The following PPP2R5E variants were observed in gnomAD, a reference collection of about 807,000 sequenced individuals.
PPP2R5E encodes the protein protein phosphatase 2 regulatory subunit B'epsilon.
PPP2R5E carries 4 observed loss-of-function variants against 65.3 expected under a neutral mutation model. That is an observed-to-expected ratio of 0.06 (90% CI 0.03 to 0.14). The LOEUF (loss-of-function observed/expected upper bound fraction) is 0.14, where lower values mean the gene tolerates loss of function less well. PPP2R5E is among the 10% of genes least tolerant of loss of function. The probability of loss-of-function intolerance (pLI) is 1.00; values close to 1 mark genes in which losing one functional copy is unlikely to be tolerated. For missense variants in PPP2R5E, 274 were observed against 556.1 expected (o/e 0.49, Z 5.10); for synonymous variants, 183 against 187.4 (o/e 0.98, Z 0.19).
At chr14:63,461,436 G>T (rs1008945624) in intron 2 of PPP2R5E, among the ~76,000 whole-genome samples, 4 of 151,678 alleles carry the variant, frequency 2.6e-5, no homozygotes, top group Non-Finnish European at 4.4e-5. Context: ...TAAAAATAAA[G>T]CACCTTTATA....
chr14:63,453,501 G>T, intron 3 of PPP2R5E, 188 bp downstream of exon 3: 1 of 461,236 alleles, frequency 2.2e-6, no homozygotes. Flanking sequence ...TTAAAGTTCT[G>T]GATTTCGTTC....
chr14:63,525,617 C>A (rs1218290832), intron 2 of PPP2R5E, among the ~76,000 whole-genome samples: 2 of 152,100 alleles, frequency 1.3e-5, no homozygotes, highest in African/African-American at 4.8e-5. Context: ...TACCTTTGTC[C>A]GGAAAAGTGT....
chr14:63,379,283 C>A (rs1282701598), intron 13 of PPP2R5E, among the ~76,000 whole-genome samples: 1 of 152,030 alleles, frequency 6.6e-6, no homozygotes, highest in Non-Finnish European at 1.5e-5. Context: ...CCGCCTCGGC[C>A]TCCCAAAGAG....
At chr14:63,519,965 G>T (rs1171677233) in intron 2 of PPP2R5E, among the ~76,000 whole-genome samples, 1 of 150,808 alleles carries the variant, frequency 6.6e-6, no homozygotes, top group African/African-American at 2.4e-5. Context: ...TAGCTCCTAC[G>T]GACAAACTCT....
rs751921019 is a variant in PPP2R5E at position 63,378,185 on chromosome 14, C to T, written c.1305-2077G>A. On this transcript the variant is annotated intron_variant, in intron 13 of 13. Transcript: ENST00000337537. The stretch of plus-strand genomic sequence containing the variant: ...CAATTGTATAGATCCTGCTGACTTT[C>T]GATGAATATGACCTTTTTATTTGGA... Among the ~76,000 whole-genome samples, 9 of 152,178 alleles carry T rather than the reference C, an allele frequency of 5.9e-5. No homozygotes were observed. In the South Asian group the frequency reaches 1.2e-3, roughly 21 times the overall value.
At chr14:63,513,857 G>A (rs189382459) in intron 2 of PPP2R5E, among the ~76,000 whole-genome samples, 10 of 152,204 alleles carry the variant, frequency 6.6e-5, no homozygotes, top group African/African-American at 2.4e-4. Flanking sequence ...AAGGCAAGAG[G>A]GGCCAGGGTA....
chr14:63,417,171 C>T (rs889178544), intron 4 of PPP2R5E, among the ~76,000 whole-genome samples: 12 of 152,118 alleles, frequency 7.9e-5, no homozygotes, highest in African/African-American at 2.9e-4. Context: ...CATTGAGTTA[C>T]GCAGCTCTTT....
rs564709613 is a variant in PPP2R5E, at chr14:63,410,373, T to C, written c.549+4767A>G. 5.9e-5 allele frequency among the ~76,000 whole-genome samples: 9 copies of C among 151,786 alleles called. No individual in the cohort carries two copies. The East Asian group carries it at 1.4e-3, about 23-fold the overall frequency. ...TGGGAGACGATGGAGTTCAGAAAAA[T>C]GCAAGGACAAGCGGGGGTGTGAAAA... On this transcript the variant is annotated intron_variant, in intron 5 of 13. Transcript: ENST00000337537.
At position 63,384,435 on chromosome 14, in the gene PPP2R5E, A is replaced by T. The variant is rs544962324; in HGVS notation, c.1202+9T>A. On this transcript the variant is annotated intron_variant, in intron 12 of 13. Transcript: ENST00000337537. ...GGAAGAGAACGGAGGAAAGAAACTG[A>T]AAACCTACGGATTCCAATGTTCTTT... 1.5e-5 allele frequency: 24 copies of T among 1,611,282 alleles called. No homozygotes were observed. In the South Asian group the frequency reaches 2.6e-4, roughly 18 times the overall value.
intron 2 of PPP2R5E, among the ~76,000 whole-genome samples, chr14:63,522,024 G>A (rs1892932142): frequency 7.4e-6 from 1 of 134,846 alleles, no homozygotes; most frequent in African/African-American, 2.8e-5. Flanking sequence ...CTGCCATCTC[G>A]GCTCACTGCA....
Position 63,483,160 on chromosome 14 carries a change from A to T in PPP2R5E, c.158-29275T>A, listed in dbSNP as rs538487995. Among the ~76,000 whole-genome samples the T allele has an allele frequency of 7.0e-4, 107 of 152,224 alleles. 1 individual carries two copies. The South Asian group carries it at 0.015, about 22-fold the overall frequency. ...TCTGTACTTTAAAAATATAAATAAA[A>T]TTTTTTTTAAAAAATCATACAGTAT... On this transcript the variant is annotated intron_variant, in intron 2 of 13. Coordinates refer to ENST00000337537, the MANE Select transcript of PPP2R5E (RefSeq NM_006246.5).
chr14:63,453,262 T>G (rs1270764701), intron 3 of PPP2R5E: 1 of 153,370 alleles, frequency 6.5e-6, no homozygotes, highest in East Asian at 1.9e-4. Context: ...CTTAACTACA[T>G]TCTACAAATC....
chr14:63,414,141 C>CA (rs752948195), intron 5 of PPP2R5E, among the ~76,000 whole-genome samples: 5 of 151,988 alleles, frequency 3.3e-5, no homozygotes, highest in Non-Finnish European at 5.9e-5. Context: ...CAAAAACAGT[C>CA]AAAAAATTGG....
chr14:63,541,422 T>C (rs1039352174), intron 1 of PPP2R5E, among the ~76,000 whole-genome samples: 37 of 152,332 alleles, frequency 2.4e-4, no homozygotes, highest in Admixed American at 6.5e-4. Context: ...CGGAACTGAA[T>C]AGCACTTTTG....
chr14:63,440,766 G>A (rs1228089197), intron 3 of PPP2R5E, among the ~76,000 whole-genome samples: 6 of 128,850 alleles, frequency 4.7e-5, no homozygotes, highest in South Asian at 2.2e-4. Flanking sequence ...GTGAAACTCC[G>A]TCTCTACTAA....
chr14:63,512,077 G>GT (rs199808281), intron 2 of PPP2R5E, among the ~76,000 whole-genome samples: 36 of 79,964 alleles, frequency 4.5e-4, no homozygotes, highest in Middle Eastern at 6.4e-3. Context: ...AGACTCTGCG[G>GT]TAAAAAAAAA....
intron 2 of PPP2R5E, among the ~76,000 whole-genome samples, chr14:63,471,218 T>C (rs1046215014): frequency 2.0e-5 from 3 of 152,236 alleles, no homozygotes; most frequent in Non-Finnish European, 4.4e-5. Flanking sequence ...AGATTGTTCA[T>C]AGACCCAGAT....
rs1318631347 is a variant in PPP2R5E, at chr14:63,406,186, C to T, written c.549+8954G>A. Among the ~76,000 whole-genome samples the T allele has an allele frequency of 2.0e-5, 3 of 152,178 alleles. No homozygotes were observed. In the East Asian group the frequency reaches 5.8e-4, roughly 29 times the overall value. On this transcript the variant is annotated intron_variant, in intron 5 of 13. Coordinates refer to ENST00000337537, the MANE Select transcript of PPP2R5E (RefSeq NM_006246.5). ...CAGCACTTTGGGAGGCCGAGGCGGG[C>T]AGATCACGAGGTCAGGAGTTCAAGA... is the stretch of plus-strand genomic sequence containing the variant.
intron 13 of PPP2R5E, among the ~76,000 whole-genome samples, chr14:63,379,826 C>CTCTCTTTTTTTTTTT (rs528081976): frequency 1.0e-5 from 1 of 100,300 alleles, no homozygotes; most frequent in African/African-American, 5.2e-5. Flanking sequence ...TATTCTCTCT[C>CTCTCTTTTTTTTTTT]TTTTTTTTTT....
Sources: allele counts gnomAD v4.1 joint callset (sites outside exome capture counted in the v4.1 genomes callset), GRCh38; gene constraint gnomAD v4.1.1; transcripts MANE v1.5; gene names NCBI Gene and HGNC (gene_info 2026-07-23, HGNC 2026-07-21).